The following BBX variants were observed in gnomAD, a reference collection of about 807,000 sequenced individuals.
BBX encodes HMG box transcription factor BBX.
A neutral mutation model predicts 100.2 loss-of-function variants in BBX; 30 were observed. The observed-to-expected ratio is 0.30, with a 90% confidence interval of 0.22 to 0.41. The LOEUF is 0.41. Ranked by LOEUF, BBX falls within the 10% of genes least tolerant of loss-of-function variation. The pLI is 1.00. For synonymous variants in BBX, 376 were observed against 388.1 expected, an observed-to-expected ratio of 0.97 and a Z score of 0.37; for missense variants, 1,023 against 1,129.8, an observed-to-expected ratio of 0.91 and a Z score of 1.35.
chr3:107,598,751 G>C (rs1237581269), intron 2 of BBX, among the ~76,000 whole-genome samples: 1 of 152,188 alleles, frequency 6.6e-6, no homozygotes, highest in Non-Finnish European at 1.5e-5. Context: ...CACACCTTCT[G>C]CTGCCTTTTG....
intron 10 of BBX, among the ~76,000 whole-genome samples, chr3:107,766,911 T>C (rs965798441): frequency 2.0e-5 from 3 of 152,184 alleles, no homozygotes; most frequent in African/African-American, 4.8e-5. Flanking sequence ...TGCAAGGACA[T>C]GGATGAAGCT....
rs774302789 is a variant in BBX, at chr3:107,810,338, T to C, written c.*4881T>C. 2 of 152,250 alleles carry C rather than the reference T, an allele frequency of 1.3e-5. No individual in the cohort carries two copies. Among genetic ancestry groups the C allele is most frequent in the African/African-American group, 2.4e-5 (1 of 41,546 alleles). The allele number at this position is 152,250 out of a possible 1,614,324, so 9.4% of individuals were successfully genotyped here. A position where few individuals can be genotyped will look rare whatever the true frequency, so the allele number is the denominator to read the frequency against. On this transcript the variant is annotated 3_prime_UTR_variant, in exon 18 of 18. Coordinates refer to ENST00000325805, the MANE Select transcript of BBX (RefSeq NM_001142568.3). ...TATGGCTGCTGTTTTCTTTTTGCAG[T>C]CAGTGGTCAAAACTGATCATGTGCT...
At chr3:107,790,013 G>A in intron 14 of BBX, 137 bp downstream of exon 14, 1 of 580,666 alleles carries the variant, frequency 1.7e-6, no homozygotes, top group Non-Finnish European at 3.0e-6. Flanking sequence ...CCTGACGCGG[G>A]TGTTCTCATT....
intron 3 of BBX, among the ~76,000 whole-genome samples, chr3:107,660,323 C>G (rs983152878): frequency 6.6e-6 from 1 of 151,712 alleles, no homozygotes; most frequent in Non-Finnish European, 1.5e-5. Flanking sequence ...AAATTTTTTT[C>G]TGGTTTGCAA....
At chr3:107,720,079 T>G (rs2107419556) in intron 5 of BBX, among the ~76,000 whole-genome samples, 1 of 152,116 alleles carries the variant, frequency 6.6e-6, no homozygotes, top group Admixed American at 6.6e-5. Context: ...GTCCTTTTTG[T>G]GCTTAGCATA....
At chr3:107,558,876 G>C (rs1444217708) in intron 2 of BBX, among the ~76,000 whole-genome samples, 3 of 152,190 alleles carry the variant, frequency 2.0e-5, no homozygotes, top group African/African-American at 7.2e-5. Flanking sequence ...CTGAACAAGG[G>C]ATGATTCAGA....
chr3:107,599,209 A>C (rs1158134914), intron 2 of BBX: 1 of 152,214 alleles, frequency 6.6e-6, no homozygotes, highest in Admixed American at 6.5e-5. Flanking sequence ...CCTTGCTATT[A>C]GATGAAACTG....
chr3:107,607,352 AT>A (rs2107642229), intron 2 of BBX, among the ~76,000 whole-genome samples: 1 of 152,276 alleles, frequency 6.6e-6, no homozygotes, highest in Non-Finnish European at 1.5e-5. Context: ...AAGTGCTGGG[AT>A]TACAGGTGTG....
At chr3:107,727,862 A>G (rs1456218192) in intron 5 of BBX, among the ~76,000 whole-genome samples, 17 of 152,182 alleles carry the variant, frequency 1.1e-4, no homozygotes, top group Non-Finnish European at 4.4e-5. Flanking sequence ...ATGAATATTA[A>G]TTTAATAAAA....
intron 9 of BBX, among the ~76,000 whole-genome samples, chr3:107,749,957 A>G (rs1576626303): frequency 6.6e-6 from 1 of 152,038 alleles, no homozygotes; most frequent in African/African-American, 2.4e-5. Context: ...TAGCACCACT[A>G]TCATCAGATT....
At chr3:107,770,534 G>T (rs984337024) in intron 10 of BBX, among the ~76,000 whole-genome samples, 2 of 152,162 alleles carry the variant, frequency 1.3e-5, no homozygotes, top group Non-Finnish European at 2.9e-5. Flanking sequence ...AGTAAAACAT[G>T]CAGGGAATAT....
chr3:107,558,868 G>A (rs969553647), intron 2 of BBX, among the ~76,000 whole-genome samples: 2 of 152,186 alleles, frequency 1.3e-5, no homozygotes, highest in Non-Finnish European at 2.9e-5. Context: ...GGGCATAACT[G>A]AACAAGGGAT....
intron 3 of BBX, chr3:107,661,980 C>A: frequency 1.2e-6 from 1 of 835,194 alleles, no homozygotes; most frequent in Non-Finnish European, 1.4e-6. Flanking sequence ...GACTACTGTT[C>A]ACGCAGCATA....
At chr3:107,547,317 A>T (rs961574351) in intron 2 of BBX, among the ~76,000 whole-genome samples, 2 of 152,230 alleles carry the variant, frequency 1.3e-5, no homozygotes, top group African/African-American at 2.4e-5. Context: ...GTGACCATTC[A>T]GTAAGTATCT....
At chr3:107,625,910 G>T (rs115293896) in intron 2 of BBX, among the ~76,000 whole-genome samples, 4 of 151,938 alleles carry the variant, frequency 2.6e-5, no homozygotes, top group African/African-American at 9.7e-5. Flanking sequence ...AATAATAATC[G>T]TATTTTTTCA....
At chr3:107,657,643 C>T (rs577918217) in intron 3 of BBX, among the ~76,000 whole-genome samples, 2 of 151,894 alleles carry the variant, frequency 1.3e-5, no homozygotes. Context: ...GCTAATATTG[C>T]CATCAGAAGT....
At chr3:107,778,092 A>G (rs2067473733) in intron 12 of BBX, among the ~76,000 whole-genome samples, 1 of 152,126 alleles carries the variant, frequency 6.6e-6, no homozygotes, top group Non-Finnish European at 1.5e-5. Flanking sequence ...GCCAGTGGAG[A>G]AAATGCCAAA....
chr3:107,801,031 TC>T, intron 16 of BBX, 63 bp from the exon 17 acceptor site: 1 of 1,498,122 alleles, frequency 6.7e-7, no homozygotes. Flanking sequence ...CACAGCGTTT[TC>T]TATGTCTCTT....
intron 2 of BBX, among the ~76,000 whole-genome samples, chr3:107,581,765 C>A (rs1272612285): frequency 6.6e-6 from 1 of 152,050 alleles, no homozygotes; most frequent in African/African-American, 2.4e-5. Context: ...AACAGCAGGG[C>A]AGAATTTATA....
Sources: allele counts gnomAD v4.1 joint callset (sites outside exome capture counted in the v4.1 genomes callset), GRCh38; gene constraint gnomAD v4.1.1; transcripts MANE v1.5; gene names NCBI Gene and HGNC (gene_info 2026-07-23, HGNC 2026-07-21).